Variants in CDH18 observed in about 807,000 individuals in gnomAD.
CDH18 encodes cadherin-18.
A neutral mutation model predicts 67.9 loss-of-function variants in CDH18; 31 were observed. The observed-to-expected ratio is 0.46, with a 90% CI of 0.34 to 0.62. The LOEUF (loss-of-function observed/expected upper bound fraction) is 0.62. Among genes scored for constraint, CDH18 ranks in the 20% least tolerant of loss-of-function variants. CDH18 has a pLI of 0.01. For synonymous variants in CDH18, 362 were observed against 347.2 expected (o/e 1.04, Z -0.48); for missense variants, 890 against 975.5 (o/e 0.91, Z 1.17).
At chr5:20,469,668 A>G (rs962069749) in intron 1 of CDH18, among the ~76,000 whole-genome samples, 4 of 152,118 alleles carry the variant, frequency 2.6e-5, no homozygotes, top group Non-Finnish European at 5.9e-5. Flanking sequence ...TAAGCCTGGA[A>G]GTAGGCTGAG....
At chr5:20,297,669 G>A (rs147065321) in intron 1 of CDH18, among the ~76,000 whole-genome samples, 19 of 152,232 alleles carry the variant, frequency 1.2e-4, no homozygotes, top group African/African-American at 3.9e-4. Context: ...AATAACTAGT[G>A]CCAAATGTCA....
chr5:19,788,148 G>A (rs1290671675), intron 3 of CDH18, among the ~76,000 whole-genome samples: 2 of 152,010 alleles, frequency 1.3e-5, no homozygotes, highest in Non-Finnish European at 2.9e-5. Context: ...AGACATTGTT[G>A]TTATTTGCAA....
chr5:20,148,929 A>G (rs1211125004), intron 2 of CDH18, among the ~76,000 whole-genome samples: 1 of 152,062 alleles, frequency 6.6e-6, no homozygotes, highest in Non-Finnish European at 1.5e-5. Context: ...AAGGGGACAT[A>G]AGACTTTCAC....
intron 1 of CDH18, among the ~76,000 whole-genome samples, chr5:20,347,216 T>C (rs1233293587): frequency 6.6e-6 from 1 of 152,158 alleles, no homozygotes; most frequent in Non-Finnish European, 1.5e-5. Context: ...TCTTGTAAAA[T>C]TTGTTTCTTC....
At chr5:20,363,484 A>T (rs1742263297) in intron 1 of CDH18, among the ~76,000 whole-genome samples, 1 of 149,866 alleles carries the variant, frequency 6.7e-6, no homozygotes, top group African/African-American at 2.5e-5. Flanking sequence ...TATCAAAAAA[A>T]AAAAAAAAAA....
intron 7 of CDH18, among the ~76,000 whole-genome samples, chr5:19,584,341 A>T (rs1358807256): frequency 6.6e-6 from 1 of 152,208 alleles, no homozygotes; most frequent in Admixed American, 6.5e-5. Flanking sequence ...GCGGATTTAT[A>T]GAGCAGTGCT....
chr5:19,587,546 G>A (rs986154239), intron 7 of CDH18, among the ~76,000 whole-genome samples: 1 of 152,012 alleles, frequency 6.6e-6, no homozygotes, highest in African/African-American at 2.4e-5. Context: ...ATTAAATAGG[G>A]AATCCTTTCT....
intron 1 of CDH18, among the ~76,000 whole-genome samples, chr5:20,381,572 G>A (rs575090482): frequency 2.0e-5 from 3 of 152,182 alleles, no homozygotes; most frequent in Non-Finnish European, 2.9e-5. Flanking sequence ...AACAAGGAAG[G>A]CATTGATTTT....
At chr5:20,198,550 T>C (rs11953003) in intron 2 of CDH18, among the ~76,000 whole-genome samples, 11,857 of 152,100 alleles carry the variant, frequency 0.078, 539 homozygotes, top group East Asian at 0.14. Context: ...TGACAGAGAA[T>C]AAAAGTTTGA....
chr5:20,372,848 T>C (rs984122296), intron 1 of CDH18, among the ~76,000 whole-genome samples: 2 of 152,286 alleles, frequency 1.3e-5, no homozygotes, highest in East Asian at 1.9e-4. Context: ...TATTTTTTTT[T>C]CCCTTGGATA....
chr5:19,874,625 A>C (rs62352170), intron 2 of CDH18, among the ~76,000 whole-genome samples: 1 of 152,096 alleles, frequency 6.6e-6, no homozygotes, highest in Non-Finnish European at 1.5e-5. Flanking sequence ...GTAGAAAATG[A>C]CTTTAATACA....
intron 1 of CDH18, among the ~76,000 whole-genome samples, chr5:20,368,003 G>T (rs1466419007): frequency 6.6e-6 from 1 of 152,112 alleles, no homozygotes; most frequent in East Asian, 1.9e-4. Flanking sequence ...GAGGGCAAAG[G>T]TACTTTTTAT....
chr5:19,981,246 T>C (rs1189244058), intron 1 of CDH18, 68 bp from the exon 2 acceptor site: 1 of 152,192 alleles, frequency 6.6e-6, no homozygotes, highest in Non-Finnish European at 1.5e-5. Context: ...CTGCTCAGAA[T>C]GATCAAATAC....
At chr5:19,546,520 C>T (rs565908342) in intron 8 of CDH18, among the ~76,000 whole-genome samples, 92 of 152,218 alleles carry the variant, frequency 6.0e-4, no homozygotes, top group African/African-American at 2.2e-3. Flanking sequence ...ATGCTTCTTC[C>T]ATTTTAGTAT....
chr5:20,509,507 G>A (rs1233328552), intron 1 of CDH18, among the ~76,000 whole-genome samples: 1 of 143,044 alleles, frequency 7.0e-6, no homozygotes, highest in Non-Finnish European at 1.5e-5. Context: ...GGTTCAAGCT[G>A]AGGCAAGATT....
At chr5:20,415,689 C>T (rs1358800505) in intron 1 of CDH18, among the ~76,000 whole-genome samples, 4 of 152,032 alleles carry the variant, frequency 2.6e-5, no homozygotes, top group African/African-American at 4.8e-5. Flanking sequence ...AGGAGAATGG[C>T]GTGAACTTGG....
intron 5 of CDH18, among the ~76,000 whole-genome samples, chr5:19,714,511 A>ATT (rs5866395): frequency 8.8e-4 from 128 of 144,908 alleles, no homozygotes; most frequent in Non-Finnish European, 1.7e-3. Context: ...ACAAAGTGAG[A>ATT]TTTTTTTTTT....
At chr5:20,344,763 A>G (rs1740566786) in intron 1 of CDH18, among the ~76,000 whole-genome samples, 1 of 152,006 alleles carries the variant, frequency 6.6e-6, no homozygotes, top group Non-Finnish European at 1.5e-5. Context: ...GACAGGTTTG[A>G]GCCCCTTTGC....
intron 2 of CDH18, among the ~76,000 whole-genome samples, chr5:20,094,419 T>C (rs570104386): frequency 4.6e-5 from 7 of 152,340 alleles, no homozygotes; most frequent in African/African-American, 7.2e-5. Flanking sequence ...TTTGTTCTTT[T>C]TGCTTAGGAT....
Sources: allele counts gnomAD v4.1 joint callset (sites outside exome capture counted in the v4.1 genomes callset), GRCh38; gene constraint gnomAD v4.1.1; transcripts MANE v1.5; gene names NCBI Gene and HGNC (gene_info 2026-07-23, HGNC 2026-07-21).